Variants in HDHD2 observed in about 807,000 individuals in gnomAD.
HDHD2 encodes the protein haloacid dehalogenase like hydrolase domain containing 2.
A neutral mutation model predicts 24.8 loss-of-function variants in HDHD2; 26 were observed. The ratio of observed to expected loss-of-function variants is 1.05; its 90% confidence interval spans 0.77 to 1.45. HDHD2 has a LOEUF of 1.45. HDHD2 is among the 40% of genes most tolerant of loss of function. The pLI is 0.00. For synonymous variants in HDHD2, 128 were observed against 114.9 expected (o/e 1.11, Z -0.73); for missense variants, 299 against 313.4 (o/e 0.95, Z 0.35).
chr18:47,121,135 G>A (rs1285805787), intron 4 of HDHD2, among the ~76,000 whole-genome samples: 4 of 150,822 alleles, frequency 2.7e-5, no homozygotes, highest in South Asian at 2.1e-4. Flanking sequence ...AGTGAAGCGC[G>A]ATAATGCAAA....
intron 1 of HDHD2, among the ~76,000 whole-genome samples, chr18:47,140,347 AT>A (rs1205868110): frequency 6.6e-6 from 1 of 152,112 alleles, no homozygotes; most frequent in African/African-American, 2.4e-5. Flanking sequence ...CATTCACATA[AT>A]TTTTTTAGTT....
chr18:47,134,701 T>C lies in HDHD2; in HGVS notation c.105A>G (p.Leu35=), dbSNP rs2063747045. 4 of 1,613,420 alleles carry C rather than the reference T, an allele frequency of 2.5e-6. No individual in the cohort carries two copies. The highest frequency in any genetic ancestry group is 1.3e-5 in the African/African-American group (1 of 75,020). The change falls in exon 3 of 7, where the codon TTA becomes TTG. Residue 35 remains leucine (L), a synonymous_variant. Coordinates refer to ENST00000300605, the MANE Select transcript of HDHD2 (RefSeq NM_032124.5). ...VPGAQEALKR[L]RGASVIIRFV... is the part of the protein sequence containing the mutation. ...ACCTAATGATTACAGAAGCACCACG[T>C]AACCTGGAGAGGGCCAAATTCAGAA...
Position 47,108,548 on chromosome 18 carries a change from A to G in HDHD2, c.*134T>C, listed in dbSNP as rs771595013. The G allele has an allele frequency of 2.0e-6, 1 of 506,138 alleles. No individual in the cohort carries two copies. The highest frequency in any genetic ancestry group is 3.5e-6 in the Non-Finnish European group (1 of 288,802). 31.4% of individuals were successfully genotyped at this position (506,138 alleles called of 1,614,324 possible). A position where few individuals can be genotyped will look rare whatever the true frequency, so the allele number is the denominator to read the frequency against. ...CAATTCAATACCTTTCTTTCTAATT[A>G]ATGCACAACAAAAGAGGGTTAAAAA... On this transcript the variant is annotated 3_prime_UTR_variant, in exon 7 of 7. Transcript: ENST00000300605.
intron 3 of HDHD2, among the ~76,000 whole-genome samples, chr18:47,132,926 G>A (rs2063726756): frequency 6.6e-6 from 1 of 152,118 alleles, no homozygotes. Context: ...ATTTAATCAA[G>A]TTAATTTAGT....
At chr18:47,121,862 T>C (rs138679375) in intron 4 of HDHD2, among the ~76,000 whole-genome samples, 1 of 152,230 alleles carries the variant, frequency 6.6e-6, no homozygotes, top group Non-Finnish European at 1.5e-5. Context: ...TGGTTCCCCA[T>C]ACTTTTCACA....
At chr18:47,128,944 T>A (rs1221349214) in intron 4 of HDHD2, among the ~76,000 whole-genome samples, 1 of 152,200 alleles carries the variant, frequency 6.6e-6, no homozygotes, top group Non-Finnish European at 1.5e-5. Flanking sequence ...TTCTACATAA[T>A]GTATAAGTTA....
chr18:47,137,875 GAA>G (rs752099727), intron 1 of HDHD2, among the ~76,000 whole-genome samples: 1 of 143,450 alleles, frequency 7.0e-6, no homozygotes, highest in Admixed American at 7.0e-5. Flanking sequence ...CTTCCTGTTG[GAA>G]AAAAAAAAAA....
At chr18:47,130,719 G>A (rs563247592) in intron 3 of HDHD2, among the ~76,000 whole-genome samples, 3 of 152,182 alleles carry the variant, frequency 2.0e-5, no homozygotes, top group East Asian at 1.9e-4. Flanking sequence ...CTATCAGATC[G>A]ATAGCAACTG....
chr18:47,134,329 CA>C (rs576684439), intron 3 of HDHD2, 166 bp downstream of exon 3: 5 of 616,374 alleles, frequency 8.1e-6, no homozygotes, highest in Non-Finnish European at 1.1e-5. Context: ...GGATTACAGT[CA>C]AAAAAAGGTT....
chr18:47,111,682 G>A (rs2063517482), intron 6 of HDHD2: 1 of 985,220 alleles, frequency 1.0e-6, no homozygotes, highest in African/African-American at 1.7e-5. Flanking sequence ...GGCTCCAATG[G>A]TTCACTTCAG....
intron 4 of HDHD2, 50 bp from the exon 5 acceptor site, chr18:47,115,398 T>G (rs1185322876): frequency 7.3e-7 from 1 of 1,361,444 alleles, no homozygotes; most frequent in African/African-American, 1.4e-5. Context: ...GCAAGGCTTT[T>G]ATGACTGGGA....
At chr18:47,127,338 C>T (rs191773099) in intron 4 of HDHD2, among the ~76,000 whole-genome samples, 1 of 152,268 alleles carries the variant, frequency 6.6e-6, no homozygotes, top group East Asian at 1.9e-4. Flanking sequence ...ATAGTATATA[C>T]ACATTATAAA....
At chr18:47,135,554 C>T (rs113134573) in intron 2 of HDHD2, among the ~76,000 whole-genome samples, 272 of 152,262 alleles carry the variant, frequency 1.8e-3, no homozygotes, top group Non-Finnish European at 2.8e-3. Flanking sequence ...AGCCACCGCG[C>T]CTGGCCTATG....
At position 47,108,385 on chromosome 18, in the gene HDHD2, A is replaced by G. The variant is rs13547; in HGVS notation, c.*297T>C. Reference sequence around the variant, plus strand: ...GACAGCAGAGAACACTCTTCCCTGTAGTAGCTTTTCCCCCACAGCCCCACC... The same window carrying G: ...GACAGCAGAGAACACTCTTCCCTGTGGTAGCTTTTCCCCCACAGCCCCACC... On this transcript the variant is annotated 3_prime_UTR_variant, in exon 7 of 7. Transcript: ENST00000300605. 0.12 allele frequency: 30,415 copies of G among 256,258 alleles called. 1,971 individuals carry two copies. Among genetic ancestry groups the G allele is most frequent in the East Asian group, 0.18 (2,279 of 12,864 alleles). The allele number at this position is 256,258 out of a possible 1,614,324, so 15.9% of individuals were successfully genotyped here. A position where few individuals can be genotyped will look rare whatever the true frequency, so the allele number is the denominator to read the frequency against.
chr18:47,145,867 G>A (rs1453541388), intron 1 of HDHD2, among the ~76,000 whole-genome samples: 1 of 152,132 alleles, frequency 6.6e-6, no homozygotes, highest in Non-Finnish European at 1.5e-5. Context: ...GAAGTATAAA[G>A]TATAAACATT....
chr18:47,148,430 C>T (rs184494474), intron 1 of HDHD2, among the ~76,000 whole-genome samples: 14 of 152,312 alleles, frequency 9.2e-5, no homozygotes, highest in African/African-American at 3.1e-4. Flanking sequence ...AGTCCATACC[C>T]ATCTCCCATA....
intron 3 of HDHD2, among the ~76,000 whole-genome samples, chr18:47,132,367 C>T (rs1220942850): frequency 6.6e-6 from 1 of 152,108 alleles, no homozygotes; most frequent in Non-Finnish European, 1.5e-5. Flanking sequence ...TGGGTTGTTT[C>T]CAATCTTTCG....
intron 6 of HDHD2, chr18:47,110,218 G>C: frequency 2.0e-6 from 2 of 985,392 alleles, no homozygotes; most frequent in Non-Finnish European, 2.4e-6. Flanking sequence ...CCACATCTTT[G>C]CATCATGGTG....
Position 47,117,339 on chromosome 18 carries a change from C to T in HDHD2, c.396-1991G>A, listed in dbSNP as rs150246321. ...CAGTGTTGAGACGGGGGCCTTTAAG[C>T]GGTGACTAGGTCATGAGAGCTCCAC... is the stretch of plus-strand genomic sequence containing the variant. On this transcript the variant is annotated intron_variant, in intron 4 of 6. Coordinates refer to ENST00000300605, the MANE Select transcript of HDHD2 (RefSeq NM_032124.5). Among the ~76,000 whole-genome samples, 4 of 152,154 alleles carry T rather than the reference C, an allele frequency of 2.6e-5. No individual in the cohort carries two copies. The East Asian group carries it at 5.8e-4, about 22-fold the overall frequency.
Sources: gnomAD v4.1 joint callset for allele counts (sites outside exome capture counted in the v4.1 genomes callset) on GRCh38, gnomAD v4.1.1 for gene constraint, MANE v1.5 for transcripts, NCBI Gene and HGNC (gene_info 2026-07-23, HGNC 2026-07-21) for gene names.